The following STAG1 variants were observed in gnomAD, a reference collection of about 807,000 sequenced individuals.
The protein encoded by STAG1 is STAG1 cohesin complex component.
A neutral mutation model predicts 170.9 loss-of-function variants in STAG1; 26 were observed. The observed-to-expected ratio is 0.15, with a 90% CI of 0.11 to 0.21. STAG1 has a LOEUF of 0.21. Ranked by LOEUF, STAG1 falls within the 10% of genes least tolerant of loss-of-function variation. The probability of loss-of-function intolerance (pLI) is 1.00; values close to 1 mark genes in which losing one functional copy is unlikely to be tolerated. For missense variants in STAG1, 964 were observed against 1,509.5 expected (o/e 0.64, Z 5.99); for synonymous variants, 514 against 497.7 (o/e 1.03, Z -0.44).
chr3:136,707,648 G>C (rs1397380724), intron 1 of STAG1, among the ~76,000 whole-genome samples: 1 of 152,180 alleles, frequency 6.6e-6, no homozygotes, highest in Non-Finnish European at 1.5e-5. Context: ...GACAGCTTTT[G>C]TGCTACTTTA....
At chr3:136,384,461 G>GAAAAAAA (rs1261653731) in intron 22 of STAG1, among the ~76,000 whole-genome samples, 1 of 103,554 alleles carries the variant, frequency 9.7e-6, no homozygotes. Context: ...AAAAGAAGAA[G>GAAAAAAA]AAAAAAAAAA....
At chr3:136,578,875 C>T (rs1358330315) in intron 4 of STAG1, among the ~76,000 whole-genome samples, 2 of 152,112 alleles carry the variant, frequency 1.3e-5, no homozygotes, top group Non-Finnish European at 2.9e-5. Context: ...GGCAGAAACC[C>T]CATTATCAGC....
chr3:136,476,349 A>T (rs2089749075), intron 10 of STAG1, among the ~76,000 whole-genome samples: 1 of 152,190 alleles, frequency 6.6e-6, no homozygotes, highest in Non-Finnish European at 1.5e-5. Context: ...AGAGAGAACA[A>T]AGCTTCTCCT....
intron 1 of STAG1, among the ~76,000 whole-genome samples, chr3:136,664,029 T>C (rs1941670364): frequency 6.6e-6 from 1 of 152,188 alleles, no homozygotes; most frequent in Non-Finnish European, 1.5e-5. Flanking sequence ...TCCAAATGAC[T>C]TAGCCAACTA....
intron 5 of STAG1, among the ~76,000 whole-genome samples, chr3:136,567,270 T>C (rs1392268658): frequency 6.6e-6 from 1 of 152,226 alleles, no homozygotes; most frequent in African/African-American, 2.4e-5. Flanking sequence ...ACATCATCAG[T>C]GCTTGCCTCA....
intron 5 of STAG1, among the ~76,000 whole-genome samples, chr3:136,551,214 A>T (rs137972500): frequency 0.041 from 1,671 of 40,420 alleles, 36 homozygotes; most frequent in African/African-American, 0.085. Flanking sequence ...AGAGTGAGAG[A>T]GAGAGAGAGA....
At chr3:136,730,871 C>G (rs1038016143) in intron 1 of STAG1, among the ~76,000 whole-genome samples, 13 of 152,192 alleles carry the variant, frequency 8.5e-5, no homozygotes, top group African/African-American at 3.1e-4. Flanking sequence ...AGCAATGATT[C>G]TTAAACTTCA....
At chr3:136,423,108 A>C in intron 16 of STAG1, 64 bp from the exon 17 acceptor site, 1 of 1,044,848 alleles carries the variant, frequency 9.6e-7, no homozygotes, top group East Asian at 2.6e-5. Context: ...ACTGTTACAT[A>C]TATTGATGAA....
At chr3:136,677,928 A>ATATATATTATATATTATATTTTATATATG (rs1184292783) in intron 1 of STAG1, among the ~76,000 whole-genome samples, 24 of 147,280 alleles carry the variant, frequency 1.6e-4, no homozygotes, top group Admixed American at 3.4e-4. Context: ...TAGTACTTTG[A>ATATATATTATATATTATATTTTATATATG]TATATATTAT....
At chr3:136,609,235 C>G (rs1164641669) in intron 3 of STAG1, 2 of 151,892 alleles carry the variant, frequency 1.3e-5, no homozygotes, top group Non-Finnish European at 2.9e-5. Context: ...CAGCAGAGGT[C>G]AGGGCAGGCA....
chr3:136,666,991 A>G (rs1052478762), intron 1 of STAG1, among the ~76,000 whole-genome samples: 1 of 152,182 alleles, frequency 6.6e-6, no homozygotes, highest in African/African-American at 2.4e-5. Context: ...TTCCACCTAT[A>G]TAGTTTCAAC....
chr3:136,690,100 A>C (rs993781962), intron 1 of STAG1, among the ~76,000 whole-genome samples: 5 of 151,540 alleles, frequency 3.3e-5, no homozygotes, highest in Non-Finnish European at 7.4e-5. Context: ...GAGAGAAAAA[A>C]GTCTAAGAGT....
intron 7 of STAG1, chr3:136,518,468 C>T: frequency 1.5e-6 from 1 of 679,140 alleles, no homozygotes; most frequent in Non-Finnish European, 2.7e-6. Flanking sequence ...GTACATATAC[C>T]ATTAAAAATA....
intron 3 of STAG1, 56 bp downstream of exon 3, chr3:136,623,090 A>G (rs1225176982): frequency 2.1e-6 from 3 of 1,457,142 alleles, no homozygotes; most frequent in Non-Finnish European, 2.8e-6. Context: ...CAACTCATAT[A>G]AACTCATTAA....
chr3:136,676,562 C>T (rs1415747761), intron 1 of STAG1, among the ~76,000 whole-genome samples: 1 of 152,120 alleles, frequency 6.6e-6, no homozygotes, highest in Non-Finnish European at 1.5e-5. Context: ...CCTCAAACCT[C>T]AACCTACTGA....
intron 20 of STAG1, among the ~76,000 whole-genome samples, chr3:136,420,426 G>C (rs111773454): frequency 4.6e-5 from 7 of 152,102 alleles, no homozygotes; most frequent in African/African-American, 1.4e-4. Flanking sequence ...CAAACTCGTG[G>C]GGCTCAAGCA....
At chr3:136,651,563 TCTTGGCTTTAATATTTACTAA>T (rs1315251192) in intron 1 of STAG1, among the ~76,000 whole-genome samples, 7 of 152,096 alleles carry the variant, frequency 4.6e-5, no homozygotes, top group African/African-American at 1.4e-4. Context: ...GCAAAATTGA[TCTTGGCTTTAATATTTACTAA>T]CTTGGCTTTA....
chr3:136,614,979 T>G (rs1319434544), intron 3 of STAG1, among the ~76,000 whole-genome samples: 2 of 152,120 alleles, frequency 1.3e-5, no homozygotes, highest in African/African-American at 4.8e-5. Flanking sequence ...AATAATAAAC[T>G]ATAGTATACA....
At chr3:136,583,133 C>T (rs1937630412) in intron 4 of STAG1, among the ~76,000 whole-genome samples, 1 of 152,072 alleles carries the variant, frequency 6.6e-6, no homozygotes, top group South Asian at 2.1e-4. Context: ...AAGCAGTAGG[C>T]TCTCAGGCAA....
Sources: gnomAD v4.1 joint callset for allele counts (sites outside exome capture counted in the v4.1 genomes callset) on GRCh38, gnomAD v4.1.1 for gene constraint, MANE v1.5 for transcripts, NCBI Gene and HGNC (gene_info 2026-07-23, HGNC 2026-07-21) for gene names.